Variants in MEI4 observed in about 807,000 individuals in gnomAD.
MEI4 encodes the protein meiotic double-stranded break formation protein 4.
MEI4 carries 27 observed loss-of-function variants against 31.4 expected under a neutral mutation model. The ratio of observed to expected loss-of-function variants is 0.86; its 90% CI spans 0.63 to 1.19. MEI4 has a LOEUF of 1.19. MEI4 is among the 50% of genes most tolerant of loss of function. MEI4 has a pLI of 0.00. For missense variants in MEI4, 329 were observed against 398.9 expected (o/e 0.82, Z 1.49); for synonymous variants, 122 against 145.4 (o/e 0.84, Z 1.16).
chr6:77,802,047 T>C (rs1769278232), intron 3 of MEI4, among the ~76,000 whole-genome samples: 1 of 152,180 alleles, frequency 6.6e-6, no homozygotes, highest in Non-Finnish European at 1.5e-5. Context: ...GTCTCGTTGA[T>C]CTGTCTAATG....
At chr6:77,758,821 A>C (rs1767973841) in intron 2 of MEI4, among the ~76,000 whole-genome samples, 1 of 152,000 alleles carries the variant, frequency 6.6e-6, no homozygotes, top group Non-Finnish European at 1.5e-5. Flanking sequence ...CATTTCACTC[A>C]ATTTGTCATG....
chr6:77,883,744 A>ATATATATATATAT (rs1491236242), intron 4 of MEI4, among the ~76,000 whole-genome samples: 70 of 124,904 alleles, frequency 5.6e-4, no homozygotes, highest in African/African-American at 1.1e-3. Context: ...ATATATATAT[A>ATATATATATATAT]ACTTTGTCTT....
chr6:77,794,811 A>G (rs1235417204), intron 3 of MEI4, among the ~76,000 whole-genome samples: 2 of 152,056 alleles, frequency 1.3e-5, no homozygotes, highest in Non-Finnish European at 1.5e-5. Flanking sequence ...TCTATAAAAA[A>G]CTTTCTTCAC....
intron 1 of MEI4, among the ~76,000 whole-genome samples, chr6:77,687,810 T>TA (rs1293600740): frequency 6.6e-6 from 1 of 152,102 alleles, no homozygotes; most frequent in African/African-American, 2.4e-5. Context: ...GCCACCTTCT[T>TA]AGCATCCTGA....
In MEI4 at chr6:77,925,875, A is replaced by G. The variant is rs1766831515; in HGVS notation, c.*2529A>G. The G allele has an allele frequency of 6.7e-6, 1 of 149,904 alleles. No homozygotes were observed. Among genetic ancestry groups the G allele is most frequent in the East Asian group, 1.9e-4 (1 of 5,138 alleles). 9.3% of individuals were successfully genotyped at this position (149,904 alleles called of 1,614,324 possible). A position where few individuals can be genotyped will look rare whatever the true frequency, so the allele number is the denominator to read the frequency against. ...TTATACATATATATACGATATGTAT[A>G]ATAAATACCAAATAGCCAGGTACTT... On this transcript the variant is annotated 3_prime_UTR_variant, in exon 5 of 5. Transcript: ENST00000684080.
At chr6:77,849,087 G>A (rs1770553620) in intron 4 of MEI4, among the ~76,000 whole-genome samples, 1 of 151,038 alleles carries the variant, frequency 6.6e-6, no homozygotes, top group African/African-American at 2.4e-5. Context: ...AAACACAAAA[G>A]AAATAAACAA....
chr6:77,879,878 C>T (rs1250231072), intron 4 of MEI4, among the ~76,000 whole-genome samples: 2 of 152,164 alleles, frequency 1.3e-5, no homozygotes, highest in African/African-American at 2.4e-5. Context: ...TGATCCTCCA[C>T]ATGTATGAAG....
chr6:77,910,387 A>C (rs1766405476), intron 4 of MEI4, among the ~76,000 whole-genome samples: 2 of 152,212 alleles, frequency 1.3e-5, no homozygotes, highest in African/African-American at 4.8e-5. Flanking sequence ...AATGTGCAAA[A>C]ATCACAAGCA....
intron 2 of MEI4, among the ~76,000 whole-genome samples, chr6:77,699,554 C>T (rs575379009): frequency 1.1e-4 from 17 of 152,254 alleles, no homozygotes; most frequent in African/African-American, 3.1e-4. Flanking sequence ...GTGGTTTGAT[C>T]GTCTGAAGCC....
intron 2 of MEI4, among the ~76,000 whole-genome samples, chr6:77,741,895 T>C (rs1281876002): frequency 6.6e-6 from 1 of 151,574 alleles, no homozygotes; most frequent in East Asian, 2.0e-4. Flanking sequence ...TTGTGACAGT[T>C]TACTGAGAAT....
intron 2 of MEI4, among the ~76,000 whole-genome samples, chr6:77,732,612 C>T (rs963695168): frequency 7.4e-6 from 1 of 135,724 alleles, no homozygotes; most frequent in Non-Finnish European, 1.7e-5. Context: ...AATTGAATAC[C>T]CTTTATTTCC....
Position 77,924,364 on chromosome 6 carries a change from A to C in MEI4, c.*1018A>C, listed in dbSNP as rs1440330298. The C allele has an allele frequency of 1.3e-5, 2 of 151,930 alleles. No homozygotes were observed. Among genetic ancestry groups the C allele is most frequent in the Non-Finnish European group, 2.9e-5 (2 of 67,902 alleles). The allele number at this position is 151,930 out of a possible 1,614,324, so 9.4% of individuals were successfully genotyped here. On this transcript the variant is annotated 3_prime_UTR_variant, in exon 5 of 5. Coordinates refer to ENST00000684080, the MANE Select transcript of MEI4 (RefSeq NM_001322247.2). ...TATATACAATTATGTCATCTGGCAC[A>C]AACAATTATCTTTGGAATTATTTCT...
chr6:77,887,440 G>T (rs929711421), intron 4 of MEI4, among the ~76,000 whole-genome samples: 1 of 151,960 alleles, frequency 6.6e-6, no homozygotes, highest in Non-Finnish European at 1.5e-5. Flanking sequence ...GGGATTACAG[G>T]CATCGCCCAC....
intron 4 of MEI4, among the ~76,000 whole-genome samples, chr6:77,875,130 C>T (rs1206458427): frequency 6.6e-6 from 1 of 152,188 alleles, no homozygotes; most frequent in African/African-American, 2.4e-5. Flanking sequence ...TCAAGGCCTT[C>T]AGCTTCCTTG....
chr6:77,741,763 TC>T (rs1202031484), intron 2 of MEI4, among the ~76,000 whole-genome samples: 1 of 82,256 alleles, frequency 1.2e-5, no homozygotes, highest in African/African-American at 4.8e-5. Context: ...ATGCTATCCC[TC>T]CCCCCTCCCC....
Position 77,697,999 on chromosome 6 carries a change from T to C in MEI4, c.232+7096T>C, listed in dbSNP as rs1439123116. 3.3e-5 allele frequency among the ~76,000 whole-genome samples: 5 copies of C among 152,228 alleles called. No homozygotes were observed. In the South Asian group the frequency reaches 8.3e-4, roughly 25 times the overall value. On this transcript the variant is annotated intron_variant, in intron 2 of 4. Coordinates refer to ENST00000684080, the MANE Select transcript of MEI4 (RefSeq NM_001322247.2). ...GGATAGTTAGCTCTTCTTGTTGAAT[T>C]GATCCCTTTGCCATTAGATAATGGT...
At chr6:77,718,428 A>G (rs1361138197) in intron 2 of MEI4, among the ~76,000 whole-genome samples, 8 of 147,702 alleles carry the variant, frequency 5.4e-5, no homozygotes, top group African/African-American at 1.8e-4. Flanking sequence ...GAATTCCACA[A>G]TCTTGTAGAA....
At chr6:77,919,717 T>A (rs2127742174) in intron 4 of MEI4, among the ~76,000 whole-genome samples, 1 of 149,852 alleles carries the variant, frequency 6.7e-6, no homozygotes, top group Middle Eastern at 3.4e-3. Flanking sequence ...GGAGCTGGTT[T>A]TTTGAAAGGA....
At chr6:77,824,784 G>A (rs1259014568) in intron 3 of MEI4, among the ~76,000 whole-genome samples, 1 of 152,118 alleles carries the variant, frequency 6.6e-6, no homozygotes, top group Non-Finnish European at 1.5e-5. Context: ...TGGGATATTT[G>A]ATGTAGTATC....
Sources: gnomAD v4.1 joint callset for allele counts (sites outside exome capture counted in the v4.1 genomes callset) on GRCh38, gnomAD v4.1.1 for gene constraint, MANE v1.5 for transcripts, NCBI Gene and HGNC (gene_info 2026-07-23, HGNC 2026-07-21) for gene names.